SMG1: variants seen among roughly 807,000 people sequenced by gnomAD.
The protein encoded by SMG1 is serine/threonine-protein kinase SMG1.
A neutral mutation model predicts 419.9 loss-of-function variants in SMG1; 22 were observed. The observed-to-expected ratio is 0.05, with a 90% confidence interval of 0.04 to 0.07. The LOEUF is 0.07. Ranked by LOEUF, SMG1 falls within the 10% of genes least tolerant of loss-of-function variation. SMG1 has a pLI of 1.00. For synonymous variants in SMG1, 1,538 were observed against 1,553.5 expected (o/e 0.99, Z 0.23); for missense variants, 3,185 against 4,342.0 (o/e 0.73, Z 7.49).
chr16:18,861,295 T>A (rs1305982116), intron 25 of SMG1: 1 of 152,740 alleles, frequency 6.5e-6, no homozygotes, highest in African/African-American at 2.4e-5. Context: ...TTCAAAGACT[T>A]CTTCTCTTTC....
At chr16:18,816,630 CAA>C (rs2032027861) in intron 57 of SMG1, 101 bp from the exon 58 acceptor site, 9 of 888,248 alleles carry the variant, frequency 1.0e-5, no homozygotes, top group African/African-American at 1.7e-5. Flanking sequence ...CAAGCTGACA[CAA>C]AGAGAACCTC....
rs869238782 is a variant in SMG1 at position 18,821,221 on chromosome 16, CTTTT to C, written c.9742-1571_9742-1568del. ...AAAACCTGAGATATTTAGTATGTTT[CTTTT>C]TTTTTTTTTTTTTTTCTTTTTTTTT... On this transcript the variant is annotated intron_variant, in intron 55 of 62. Transcript: ENST00000446231. Among the ~76,000 whole-genome samples the C allele has an allele frequency of 1.2e-3, 41 of 35,598 alleles. 1 individual carries two copies. In the East Asian group the frequency reaches 0.014, roughly 13 times the overall value. The allele number at this position is 35,598 out of a possible 152,430, so 23.4% of individuals were successfully genotyped here. A position where few individuals can be genotyped will look rare whatever the true frequency, so the allele number is the denominator to read the frequency against.
intron 23 of SMG1, 36 bp from the exon 24 acceptor site, chr16:18,864,180 CTACT>C (rs1450134361): frequency 4.9e-6 from 4 of 823,484 alleles, no homozygotes; most frequent in Admixed American, 3.6e-5. Context: ...ATTTATTTAT[CTACT>C]TACTTTTTTT....
Position 18,849,227 on chromosome 16 carries a change from G to C in SMG1, c.5613C>G (p.Ser1871=), listed in dbSNP as rs755337002. ...IVGTISLSSE[S]QASGNKFSTA... Reference sequence around the variant, plus strand: ...TTGAATATTCCATACCTGAAGCCTGGGATTCACTACTAAGCGATATGGTAC... The same window carrying C: ...TTGAATATTCCATACCTGAAGCCTGCGATTCACTACTAAGCGATATGGTAC... The change falls in exon 36 of 63, where the codon TCC becomes TCG. Residue 1871 remains serine (S), a synonymous_variant. Coordinates refer to ENST00000446231, the MANE Select transcript of SMG1 (RefSeq NM_015092.5). 12 of 1,600,540 alleles carry C rather than the reference G, an allele frequency of 7.5e-6. No homozygotes were observed. The highest frequency in any genetic ancestry group is 1.0e-5 in the Non-Finnish European group (12 of 1,171,398).
chr16:18,854,082 CTTTTTT>C (rs11448105), intron 30 of SMG1, among the ~76,000 whole-genome samples: 3 of 84,010 alleles, frequency 3.6e-5, no homozygotes, highest in Admixed American at 3.3e-4. Flanking sequence ...AAATACTAAA[CTTTTTT>C]TTTTTTTTTT....
chr16:18,849,899 A>G, intron 35 of SMG1, 50 bp downstream of exon 35: 1 of 1,543,298 alleles, frequency 6.5e-7, no homozygotes, highest in East Asian at 2.3e-5. Context: ...GAAATCTTAT[A>G]TATCCTAGTG....
At position 18,869,962 on chromosome 16, in the gene SMG1, G is replaced by A. The variant is rs750950042; in HGVS notation, c.2525C>T (p.Ser842Phe). Reference sequence around the variant, plus strand: ...ACTCATGTGACTTCTTAATGCTAAAGAAATTTCTTGAATTTCTGTGTGATT... The same window carrying A: ...ACTCATGTGACTTCTTAATGCTAAAAAAATTTCTTGAATTTCTGTGTGATT... ...NNNHTEIQEI[S>F]LALRSHMSKA... is the part of the protein sequence containing the mutation. The change falls in exon 19 of 63, where the codon TCT becomes TTT. Residue 842 changes from serine (S) to phenylalanine (F), a missense_variant. By Grantham distance (155) the Ser-to-Phe change is radical. Around this residue, in one of 27 missense-constraint regions of SMG1, gnomAD observed 297 missense variants for 491.0 expected, o/e 0.60. Transcript: ENST00000446231. The A allele has an allele frequency of 2.0e-6, 3 of 1,535,638 alleles. No individual in the cohort carries two copies. Among genetic ancestry groups the A allele is most frequent in the East Asian group, 4.6e-5 (2 of 43,640 alleles).
intron 9 of SMG1, among the ~76,000 whole-genome samples, chr16:18,883,635 T>C (rs529708081): frequency 2.9e-4 from 44 of 152,326 alleles, no homozygotes; most frequent in African/African-American, 9.6e-4. Context: ...GTTTAAAATA[T>C]TGACTGGGCA....
At chr16:18,891,217 T>C (rs1270703745) in intron 4 of SMG1, among the ~76,000 whole-genome samples, 12 of 152,196 alleles carry the variant, frequency 7.9e-5, no homozygotes, top group African/African-American at 2.7e-4. Context: ...GATGGAGGGA[T>C]AGATGGAGAG....
At chr16:18,848,107 C>T (rs1417796262) in intron 36 of SMG1, 74 bp from the exon 37 acceptor site, 3 of 1,269,770 alleles carry the variant, frequency 2.4e-6, no homozygotes, top group African/African-American at 1.5e-5. Context: ...AGGGAAAACA[C>T]TGATAATCTA....
At chr16:18,861,427 C>T (rs2035212125) in intron 25 of SMG1, 2 of 151,794 alleles carry the variant, frequency 1.3e-5, no homozygotes, top group Non-Finnish European at 2.9e-5. Context: ...GATCCCTTAC[C>T]CTGTCCCCAT....
intron 1 of SMG1, among the ~76,000 whole-genome samples, chr16:18,918,191 A>C (rs1446023680): frequency 1.3e-5 from 2 of 151,966 alleles, no homozygotes; most frequent in Admixed American, 6.6e-5. Flanking sequence ...TGAACCCGGG[A>C]GGCGGAGGTT....
rs376078154 is a variant in SMG1, at chr16:18,840,008, C to T, written c.6697-62G>A. ...CAATTTTATATAAGGAAAAAGAGTG[C>T]CTTTTGTATGTAAAGTAGAATTTTT... On this transcript the variant is annotated intron_variant, in intron 41 of 62. Transcript: ENST00000446231. The T allele has an allele frequency of 3.8e-6, 5 of 1,321,884 alleles. No individual in the cohort carries two copies. The South Asian group carries it at 4.4e-5, about 12-fold the overall frequency. 81.9% of individuals were successfully genotyped at this position (1,321,884 alleles called of 1,614,324 possible). A position where few individuals can be genotyped will look rare whatever the true frequency, so the allele number is the denominator to read the frequency against.
rs541366753 is a variant in SMG1, at chr16:18,829,458, T to C, written c.9431A>G (p.His3144Arg). 4 of 1,614,054 alleles carry C rather than the reference T, an allele frequency of 2.5e-6. No homozygotes were observed. The highest frequency in any genetic ancestry group is 2.2e-5 in the South Asian group (2 of 91,088). Reference sequence around the variant, plus strand: ...AGAGAACTTCCCTATCTGGATGTTATGTTCCACCGCTTTCTTACAGAGATC... The same window carrying C: ...AGAGAACTTCCCTATCTGGATGTTACGTTCCACCGCTTTCTTACAGAGATC... Reference protein sequence around the residue: ...VDDLCKKAVEHNIQIGKFSQL... With the variant: ...VDDLCKKAVERNIQIGKFSQL... Residue 3144 changes from histidine to arginine, a missense_variant, in exon 54 of 63, where the codon CAT becomes CGT. Around this residue, in one of 27 missense-constraint regions of SMG1, gnomAD observed 737 missense variants for 846.6 expected, o/e 0.87. Transcript: ENST00000446231.
At chr16:18,827,981 G>A in intron 55 of SMG1, 50 bp downstream of exon 55, 1 of 1,569,714 alleles carries the variant, frequency 6.4e-7, no homozygotes, top group Non-Finnish European at 8.7e-7. Flanking sequence ...CATAGTATTG[G>A]TTATTTCTAA....
chr16:18,813,260 G>A (rs1480023055), intron 60 of SMG1, among the ~76,000 whole-genome samples: 1 of 152,156 alleles, frequency 6.6e-6, no homozygotes, highest in Non-Finnish European at 1.5e-5. Flanking sequence ...CTTCCACAAT[G>A]GTTAAACTAG....
chr16:18,820,888 A>G (rs2032467651), intron 55 of SMG1, among the ~76,000 whole-genome samples: 1 of 152,242 alleles, frequency 6.6e-6, no homozygotes, highest in Admixed American at 6.5e-5. Flanking sequence ...AAGGACAGAC[A>G]ATATAAAGAT....
In SMG1 at chr16:18,818,045, C is replaced by A. The variant is rs889263451; in HGVS notation, c.9895-575G>T. ...GTCTCCCAGGTAGCTAGTCTCCCAG[C>A]TGGGACCAGAGGTGCGTGCCACCAT... On this transcript the variant is annotated intron_variant, in intron 56 of 62. Transcript: ENST00000446231. 4.0e-5 allele frequency among the ~76,000 whole-genome samples: 6 copies of A among 150,490 alleles called. No homozygotes were observed. The East Asian group carries it at 5.9e-4, about 15-fold the overall frequency.
Position 18,839,835 on chromosome 16 carries a change from C to A in SMG1, c.6808G>T (p.Val2270Leu), listed in dbSNP as rs2033810195. 3 of 1,613,872 alleles carry A rather than the reference C, an allele frequency of 1.9e-6. No homozygotes were observed. The African/African-American group carries it at 4.0e-5, about 22-fold the overall frequency. The part of the protein sequence containing the change: ...ALKTVGLSLD[V>L]SRRDWPLHVM... ...TGAAGAGGCCAATCCCGACGGGACA[C>A]ATCCAGGCTAAGCCCAACTGTTTTC... The change falls in exon 42 of 63, where the codon GTG (valine) becomes TTG (leucine). Residue 2270 changes from valine (V) to leucine (L), a missense_variant. Coordinates refer to ENST00000446231, the MANE Select transcript of SMG1 (RefSeq NM_015092.5).
Sources: gnomAD v4.1 joint callset for allele counts (sites outside exome capture counted in the v4.1 genomes callset) on GRCh38, gnomAD v4.1.1 for gene constraint, gnomAD v4.1.1 regional missense constraint, MANE v1.5 for transcripts, NCBI Gene and HGNC (gene_info 2026-07-23, HGNC 2026-07-21) for gene names.